The following DRC8 variants were observed in gnomAD, a reference collection of about 807,000 sequenced individuals.
The protein encoded by DRC8 is dynein regulatory complex subunit 8.
chr1:245,107,210 C>G, the DRC8 span: 1 of 151,678 alleles, frequency 6.6e-6, no homozygotes, highest in African/African-American at 2.4e-5. Flanking sequence ...CTGAGAGCAG[C>G]GAGGCAGGAG....
At chr1:245,093,434 C>T in the DRC8 span, among the ~76,000 whole-genome samples, 8 of 152,032 alleles carry the variant, frequency 5.3e-5, no homozygotes, top group Non-Finnish European at 1.2e-4. Context: ...CACAGTGGCT[C>T]ATGCCTGTAA....
chr1:245,102,451 G>A, the DRC8 span, among the ~76,000 whole-genome samples: 7 of 152,134 alleles, frequency 4.6e-5, no homozygotes, highest in African/African-American at 1.4e-4. Context: ...CTAGGTTCAA[G>A]CGATCCTCCT....
chr1:245,024,109 G>T, the DRC8 span, among the ~76,000 whole-genome samples: 2 of 152,134 alleles, frequency 1.3e-5, no homozygotes, highest in Non-Finnish European at 2.9e-5. Context: ...GACGGTGGTT[G>T]CAGTGAGCCG....
the DRC8 span, chr1:245,087,430 T>G: frequency 1.3e-6 from 2 of 1,502,262 alleles, no homozygotes; most frequent in African/African-American, 2.8e-5. Context: ...ATTTCACATC[T>G]TATCTTAGGA....
At chr1:245,118,383 G>A in the DRC8 span, among the ~76,000 whole-genome samples, 1 of 152,182 alleles carries the variant, frequency 6.6e-6, no homozygotes, top group African/African-American at 2.4e-5. Context: ...GAAGGCCCTC[G>A]AAGTTTGCCC....
At chr1:244,977,555 G>A in the DRC8 span, among the ~76,000 whole-genome samples, 4 of 151,948 alleles carry the variant, frequency 2.6e-5, no homozygotes, top group African/African-American at 4.8e-5. Flanking sequence ...AAGAAGTCGG[G>A]GGTTCCCTCT....
the DRC8 span, among the ~76,000 whole-genome samples, chr1:245,079,072 C>A: frequency 1.3e-5 from 2 of 152,090 alleles, no homozygotes; most frequent in Admixed American, 6.5e-5. Flanking sequence ...AAAGGTTATT[C>A]AAATATAAAA....
the DRC8 span, among the ~76,000 whole-genome samples, chr1:245,073,614 A>G: frequency 2.0e-5 from 3 of 152,180 alleles, no homozygotes; most frequent in Admixed American, 6.5e-5. Flanking sequence ...TATTAATTAA[A>G]AAAAGACTAA....
At chr1:245,018,884 T>C in the DRC8 span, among the ~76,000 whole-genome samples, 1 of 152,136 alleles carries the variant, frequency 6.6e-6, no homozygotes, top group Non-Finnish European at 1.5e-5. Context: ...AATCGTTTGC[T>C]CCATGTCACA....
the DRC8 span, chr1:245,087,948 G>C: frequency 5.7e-6 from 2 of 352,526 alleles, no homozygotes; most frequent in Non-Finnish European, 8.0e-6. Context: ...AGCTAAAGGA[G>C]TTGAGATCAT....
At chr1:244,970,694 T>TCCCCCGC in the DRC8 span, 1 of 368,614 alleles carries the variant, frequency 2.7e-6, no homozygotes, top group Non-Finnish European at 4.4e-6. Flanking sequence ...TCTCCCCTCT[T>TCCCCCGC]CCCTCCCTCT....
the DRC8 span, among the ~76,000 whole-genome samples, chr1:244,983,778 A>G: frequency 6.6e-6 from 1 of 151,176 alleles, no homozygotes; most frequent in African/African-American, 2.4e-5. Flanking sequence ...AAATACCGCA[A>G]TTACTTTTGC....
At chr1:245,082,135 T>C in the DRC8 span, 1 of 1,612,908 alleles carries the variant, frequency 6.2e-7, no homozygotes, top group African/African-American at 1.3e-5. Context: ...TTTCTTCCGG[T>C]GATGACAGAA....
the DRC8 span, among the ~76,000 whole-genome samples, chr1:244,975,684 C>A: frequency 2.6e-5 from 4 of 151,880 alleles, no homozygotes; most frequent in African/African-American, 9.7e-5. Context: ...CATGGTGAAA[C>A]CCTGTCTCTA....
At chr1:244,971,394 ATG>A in the DRC8 span, among the ~76,000 whole-genome samples, 3 of 152,300 alleles carry the variant, frequency 2.0e-5, no homozygotes, top group African/African-American at 7.2e-5. Context: ...GGAGGCATCG[ATG>A]TGTTGTCTGT....
chr1:245,098,800 G>T, the DRC8 span, among the ~76,000 whole-genome samples: 52 of 152,332 alleles, frequency 3.4e-4, no homozygotes, highest in Non-Finnish European at 4.0e-4. Context: ...GAGGCCGGGG[G>T]TCAAGGCCGG....
At chr1:245,025,195 A>G in the DRC8 span, among the ~76,000 whole-genome samples, 1 of 152,236 alleles carries the variant, frequency 6.6e-6, no homozygotes, top group Non-Finnish European at 1.5e-5. Flanking sequence ...ATACACCCAC[A>G]AGGAGTGCCT....
the DRC8 span, among the ~76,000 whole-genome samples, chr1:245,094,419 C>T: frequency 1.5e-4 from 23 of 152,284 alleles, no homozygotes; most frequent in Admixed American, 5.9e-4. Context: ...CAGTTGGCCA[C>T]CTGTACGGTT....
the DRC8 span, among the ~76,000 whole-genome samples, chr1:244,988,063 A>G: frequency 1.3e-5 from 2 of 152,316 alleles, no homozygotes; most frequent in African/African-American, 4.8e-5. Context: ...ATTTTAACTT[A>G]GTGCAATATG....
Sources: gnomAD v4.1 joint callset for allele counts (sites outside exome capture counted in the v4.1 genomes callset) on GRCh38, gnomAD v4.1.1 for gene constraint, MANE v1.5 for transcripts, NCBI Gene and HGNC (gene_info 2026-07-23, HGNC 2026-07-21) for gene names.